Variants in SLC4A4 observed in about 807,000 individuals in gnomAD.
The protein encoded by SLC4A4 is electrogenic sodium bicarbonate cotransporter 1.
Under a neutral mutation model 111.5 loss-of-function variants are expected in SLC4A4, and 27 were observed. The ratio of observed to expected loss-of-function variants is 0.24; its 90% CI spans 0.18 to 0.33. SLC4A4 has a LOEUF of 0.33. Ranked by LOEUF, SLC4A4 falls within the 10% of genes least tolerant of loss-of-function variation. The pLI, the probability that SLC4A4 is intolerant of heterozygous loss-of-function variation, is 1.00. For missense variants in SLC4A4, 909 were observed against 1,315.5 expected, an observed-to-expected ratio of 0.69 and a Z score of 4.78; for synonymous variants, 443 against 463.4, an observed-to-expected ratio of 0.96 and a Z score of 0.57.
intron 6 of SLC4A4, among the ~76,000 whole-genome samples, chr4:71,358,254 G>T (rs1258815000): frequency 1.6e-4 from 24 of 151,616 alleles, no homozygotes; most frequent in Admixed American, 1.6e-3. Flanking sequence ...GGGGGAGGTT[G>T]CAGTGAGCCA....
chr4:71,113,602 T>A lies in SLC4A4; in HGVS notation c.-2+20810T>A, dbSNP rs189439851. ...CTGGACTCTGTTCCCTTTCCATCCTTAATTGCGGTGGTCATGCACTTTAAT... is the reference window on the plus strand; with the variant it reads ...CTGGACTCTGTTCCCTTTCCATCCTAAATTGCGGTGGTCATGCACTTTAAT... On this transcript the variant is annotated intron_variant, in intron 2 of 26. Coordinates refer to the SLC4A4 transcript ENST00000649996. 2.0e-5 allele frequency among the ~76,000 whole-genome samples: 3 copies of A among 152,282 alleles called. No homozygotes were observed. In the East Asian group the frequency reaches 5.8e-4, roughly 29 times the overall value.
chr4:71,317,071 TGTGC>T (rs1020798105), intron 3 of SLC4A4, among the ~76,000 whole-genome samples: 77 of 49,334 alleles, frequency 1.6e-3, no homozygotes, highest in Middle Eastern at 0.015. Flanking sequence ...GTTGTGTGTG[TGTGC>T]GTGTGTGTGT....
intron 2 of SLC4A4, among the ~76,000 whole-genome samples, chr4:71,111,533 T>G (rs1225651111): frequency 1.2e-4 from 16 of 132,316 alleles, no homozygotes; most frequent in African/African-American, 4.3e-4. Flanking sequence ...GGTTTTTTTT[T>G]TTTTTTTTTT....
intron 2 of SLC4A4, among the ~76,000 whole-genome samples, chr4:71,242,105 G>C (rs1720290013): frequency 6.6e-6 from 1 of 152,202 alleles, no homozygotes; most frequent in Non-Finnish European, 1.5e-5. Context: ...TTTTCCAACT[G>C]CAGAGAATTC....
intron 3 of SLC4A4, among the ~76,000 whole-genome samples, chr4:71,316,608 A>G (rs1249002645): frequency 1.3e-5 from 2 of 152,120 alleles, no homozygotes; most frequent in African/African-American, 2.4e-5. Flanking sequence ...AGTTTGTTAC[A>G]CAAGTAAATG....
intron 2 of SLC4A4, among the ~76,000 whole-genome samples, chr4:71,160,957 C>T (rs1309162386): frequency 6.6e-6 from 1 of 152,052 alleles, no homozygotes; most frequent in African/African-American, 2.4e-5. Context: ...AATAAATATC[C>T]TCCAGATAAA....
chr4:71,181,440 G>A (rs193116210), intron 2 of SLC4A4, among the ~76,000 whole-genome samples: 11 of 152,200 alleles, frequency 7.2e-5, no homozygotes, highest in African/African-American at 2.6e-4. Flanking sequence ...TCCCCTTCCT[G>A]GAAGCAAATA....
At chr4:71,475,552 T>C (rs1457562921) in intron 14 of SLC4A4, among the ~76,000 whole-genome samples, 1 of 151,902 alleles carries the variant, frequency 6.6e-6, no homozygotes, top group Non-Finnish European at 1.5e-5. Flanking sequence ...AACTAGGAAG[T>C]TGTCCAGAAG....
At chr4:71,503,024 T>C (rs1415712519) in intron 16 of SLC4A4, among the ~76,000 whole-genome samples, 2 of 152,208 alleles carry the variant, frequency 1.3e-5, no homozygotes, top group African/African-American at 4.8e-5. Flanking sequence ...ATTAGGTGCA[T>C]ATAGATTTAT....
intron 2 of SLC4A4, among the ~76,000 whole-genome samples, chr4:71,147,194 A>C (rs1018404969): frequency 6.6e-6 from 1 of 152,180 alleles, no homozygotes; most frequent in Non-Finnish European, 1.5e-5. Flanking sequence ...AGAGAATTAC[A>C]CAGGGGATTA....
intron 20 of SLC4A4, among the ~76,000 whole-genome samples, chr4:71,549,495 A>T (rs1735807477): frequency 6.6e-6 from 1 of 151,916 alleles, no homozygotes; most frequent in Admixed American, 6.6e-5. Flanking sequence ...GTGCTCAGTC[A>T]CTAGTGAGGG....
At chr4:71,443,110 C>CTATATATA (rs1560512879) in intron 8 of SLC4A4, among the ~76,000 whole-genome samples, 1 of 101,044 alleles carries the variant, frequency 9.9e-6, no homozygotes, top group African/African-American at 4.6e-5. Context: ...CTCTCTCTCT[C>CTATATATA]TCTCTCTATA....
In SLC4A4 at chr4:71,571,169, T is replaced by A. The variant is rs1213556852; in HGVS notation, c.*3418T>A. The A allele has an allele frequency of 6.6e-6, 1 of 152,294 alleles. No individual in the cohort carries two copies. The highest frequency in any genetic ancestry group is 1.5e-5 in the Non-Finnish European group (1 of 67,878). The allele number at this position is 152,294 out of a possible 1,614,324, so 9.4% of individuals were successfully genotyped here. On this transcript the variant is annotated 3_prime_UTR_variant, in exon 26 of 26. Transcript: ENST00000264485. Reference sequence around the variant, plus strand: ...ACTGTGTTAAAGTACTTGAAATGTATTGACTGCTGACTATATTTTAAAAAC... The same window carrying A: ...ACTGTGTTAAAGTACTTGAAATGTAATGACTGCTGACTATATTTTAAAAAC...
At chr4:71,106,237 C>T (rs1742914811) in intron 2 of SLC4A4, among the ~76,000 whole-genome samples, 1 of 147,854 alleles carries the variant, frequency 6.8e-6, no homozygotes, top group South Asian at 2.2e-4. Context: ...CATCTCACAC[C>T]AGTTAGAAAG....
intron 1 of SLC4A4, among the ~76,000 whole-genome samples, chr4:71,191,775 G>T (rs1745743800): frequency 6.6e-6 from 1 of 152,240 alleles, no homozygotes; most frequent in African/African-American, 2.4e-5. Context: ...AACATAGAAA[G>T]AAATTAAGTG....
intron 3 of SLC4A4, among the ~76,000 whole-genome samples, chr4:71,273,164 G>A (rs768184956): frequency 3.9e-5 from 6 of 152,304 alleles, no homozygotes; most frequent in Non-Finnish European, 8.8e-5. Context: ...TTTTATAGAT[G>A]AAATGTAGAG....
At chr4:71,299,940 A>G (rs1725091844) in intron 3 of SLC4A4, among the ~76,000 whole-genome samples, 1 of 152,220 alleles carries the variant, frequency 6.6e-6, no homozygotes, top group South Asian at 2.1e-4. Flanking sequence ...GCTTTCATGC[A>G]GGATGAGGCA....
intron 2 of SLC4A4, among the ~76,000 whole-genome samples, chr4:71,152,965 G>GTA (rs1273706300): frequency 1.4e-5 from 2 of 139,630 alleles, no homozygotes; most frequent in Non-Finnish European, 3.0e-5. Flanking sequence ...GTGTGTGTGT[G>GTA]TATATATATG....
intron 7 of SLC4A4, among the ~76,000 whole-genome samples, chr4:71,425,016 T>A (rs1489560483): frequency 1.3e-5 from 2 of 151,824 alleles, no homozygotes; most frequent in East Asian, 3.9e-4. Flanking sequence ...GAATAAAAGG[T>A]AATAGCTGAT....
Sources: gnomAD v4.1 joint callset for allele counts (sites outside exome capture counted in the v4.1 genomes callset) on GRCh38, gnomAD v4.1.1 for gene constraint, MANE v1.5 for transcripts, NCBI Gene and HGNC (gene_info 2026-07-23, HGNC 2026-07-21) for gene names.